The following TLR2 variants were observed in gnomAD, a reference collection of about 807,000 sequenced individuals.
TLR2 encodes toll-like receptor 2.
Under a neutral mutation model 9.1 loss-of-function variants are expected in TLR2, and 7 were observed. The ratio of observed to expected loss-of-function variants is 0.77; its 90% confidence interval spans 0.44 to 1.44. TLR2 has a LOEUF of 1.44. TLR2 is among the 40% of genes most tolerant of loss of function. TLR2 has a pLI of 0.01. For missense variants in TLR2, 812 were observed against 904.6 expected (o/e 0.90, Z 1.31); for synonymous variants, 317 against 344.6 (o/e 0.92, Z 0.89).
intron 1 of TLR2, among the ~76,000 whole-genome samples, chr4:153,687,238 T>G (rs2127009608): frequency 6.6e-6 from 1 of 151,768 alleles, no homozygotes; most frequent in East Asian, 1.9e-4. Flanking sequence ...TGACGAAAAA[T>G]GAATGAGCAA....
chr4:153,702,761 TTTGTGTGTGTGTGTGTGTGTG>T, intron 2 of TLR2, 110 bp from the exon 3 acceptor site: 134 of 540,184 alleles, frequency 2.5e-4, no homozygotes, highest in East Asian at 7.3e-4. Context: ...TCTCTCTCTC[TTTGTGTGTGTGTGTGTGTGTG>T]TGTGTGTGTG....
At chr4:153,689,642 A>G (rs1360103324) in intron 2 of TLR2, among the ~76,000 whole-genome samples, 1 of 152,258 alleles carries the variant, frequency 6.6e-6, no homozygotes, top group Non-Finnish European at 1.5e-5. Flanking sequence ...GAGATCAGAA[A>G]GCATGTGTAA....
intron 2 of TLR2, among the ~76,000 whole-genome samples, chr4:153,693,720 G>A (rs1343204577): frequency 6.6e-6 from 1 of 152,108 alleles, no homozygotes; most frequent in Non-Finnish European, 1.5e-5. Flanking sequence ...CTCATCTTTA[G>A]TGTGAAAAGG....
At position 153,703,654 on chromosome 4, in the gene TLR2, A is replaced by C; in HGVS notation, c.747A>C (p.Ser249=). The C allele has an allele frequency of 6.2e-7, 1 of 1,613,024 alleles. No individual in the cohort carries two copies. Among genetic ancestry groups the C allele is most frequent in the Non-Finnish European group, 8.5e-7 (1 of 1,179,690 alleles). The change falls in exon 3 of 3, where the codon TCA becomes TCC. Residue 249 remains serine (S), a synonymous_variant. Transcript: ENST00000642700. ...AACTATCCACTGGTGAAACAAATTC[A>C]TTGATTAAAAAGTTTACATTTAGAA... ...FSELSTGETN[S]LIKKFTFRNV...
chr4:153,695,036 G>GTA (rs1444182870), intron 2 of TLR2, among the ~76,000 whole-genome samples: 1 of 152,060 alleles, frequency 6.6e-6, no homozygotes, highest in East Asian at 1.9e-4. Flanking sequence ...GTACCCCATT[G>GTA]TATATATATA....
At chr4:153,699,067 T>C (rs889669584) in intron 2 of TLR2, among the ~76,000 whole-genome samples, 17 of 152,164 alleles carry the variant, frequency 1.1e-4, no homozygotes, top group African/African-American at 3.9e-4. Flanking sequence ...ATAACCCTAA[T>C]TCTCTAATTG....
Position 153,703,380 on chromosome 4 carries a change from A to C in TLR2, c.473A>C (p.Asn158Thr), listed in dbSNP as rs771244925. Residue 158 changes from asparagine to threonine, a missense_variant, in exon 3 of 3, where the codon AAT (asparagine) becomes ACT (threonine). Transcript: ENST00000642700. Reference sequence around the variant, plus strand: ...AAATTGCAAATCCTGAGAGTGGGAAATATGGACACCTTCACTAAGATTCAA... The same window carrying C: ...AAATTGCAAATCCTGAGAGTGGGAACTATGGACACCTTCACTAAGATTCAA... ...LTKLQILRVG[N>T]MDTFTKIQRK... The C allele has an allele frequency of 9.5e-5, 154 of 1,614,058 alleles. No individual in the cohort carries two copies. Among genetic ancestry groups the C allele is most frequent in the Non-Finnish European group, 1.2e-4 (139 of 1,180,036 alleles).
At position 153,703,624 on chromosome 4, in the gene TLR2, T is replaced by C; in HGVS notation, c.717T>C (p.Phe239=). The change falls in exon 3 of 3, where the codon TTT becomes TTC. Residue 239 remains phenylalanine (F), a synonymous_variant. Transcript: ENST00000642700. ...ATACTGATTTGGACACTTTCCATTT[T>C]TCAGAACTATCCACTGGTGAAACAA... ...LRDTDLDTFH[F]SELSTGETNS... 1 of 1,613,942 alleles carries C rather than the reference T, an allele frequency of 6.2e-7. No individual in the cohort carries two copies. Among genetic ancestry groups the C allele is most frequent in the South Asian group, 1.1e-5 (1 of 91,020 alleles).
chr4:153,702,670 T>A (rs1578999474), intron 2 of TLR2: 1 of 510,898 alleles, frequency 2.0e-6, no homozygotes, highest in Non-Finnish European at 3.5e-6. Context: ...AGTGGTTGTA[T>A]GTCTGTGTTA....
intron 2 of TLR2, among the ~76,000 whole-genome samples, chr4:153,695,302 CA>C (rs1285213810): frequency 2.0e-5 from 3 of 152,128 alleles, no homozygotes; most frequent in Admixed American, 2.0e-4. Flanking sequence ...CAACAGTGTA[CA>C]GGGTTCTGTT....
In TLR2 at chr4:153,704,159, A is replaced by C. The variant is rs761907544; in HGVS notation, c.1252A>C (p.Ile418Leu). 1.9e-6 allele frequency: 3 copies of C among 1,613,762 alleles called. No individual in the cohort carries two copies. Among genetic ancestry groups the C allele is most frequent in the Non-Finnish European group, 2.5e-6 (3 of 1,179,962 alleles). ...TLLTLKNLTNIDISKNSFHSM... is the reference protein window; with the variant it reads ...TLLTLKNLTNLDISKNSFHSM... ...GCTCACTCTGAAAAACTTGACTAAC[A>C]TTGATATCAGTAAGAATAGTTTTCA... The change falls in exon 3 of 3, where the codon ATT (isoleucine) becomes CTT (leucine). Residue 418 changes from isoleucine (I) to leucine (L), a missense_variant. By Grantham distance (5) the Ile-to-Leu change is conservative. Coordinates refer to ENST00000642700, the MANE Select transcript of TLR2 (RefSeq NM_001318789.2).
At chr4:153,696,817 C>T (rs1736534935) in intron 2 of TLR2, among the ~76,000 whole-genome samples, 1 of 151,582 alleles carries the variant, frequency 6.6e-6, no homozygotes, top group Admixed American at 6.6e-5. Context: ...TTGCTTAATG[C>T]CAGGAGTTTG....
chr4:153,703,965 G>T lies in TLR2; in HGVS notation c.1058G>T (p.Cys353Phe). 3.1e-6 allele frequency: 5 copies of T among 1,611,658 alleles called. No individual in the cohort carries two copies. Among genetic ancestry groups the T allele is most frequent in the Non-Finnish European group, 4.2e-6 (5 of 1,179,440 alleles). ...AACAGTAAAGTTTTTCTGGTTCCTT[G>T]TTTACTTTCACAACATTTAAAATCA... ...VENSKVFLVPCLLSQHLKSLE... is the reference protein window; with the variant it reads ...VENSKVFLVPFLLSQHLKSLE... Residue 353 changes from cysteine to phenylalanine, a missense_variant, in exon 3 of 3, where the codon TGT (cysteine) becomes TTT (phenylalanine). Transcript: ENST00000642700.
At chr4:153,684,898 C>G (rs1421463767) in intron 1 of TLR2, among the ~76,000 whole-genome samples, 2 of 152,206 alleles carry the variant, frequency 1.3e-5, no homozygotes, top group African/African-American at 4.8e-5. Context: ...GTCGCTCTCC[C>G]CGCCTCCTGG....
chr4:153,705,872 A>G lies in TLR2; in HGVS notation c.*610A>G, dbSNP rs1014278826. ...GCTTAGTTCATTAGGAAACAGCACA[A>G]ATGAACTTAAGATTCTCAATGACTG... On this transcript the variant is annotated 3_prime_UTR_variant, in exon 3 of 3. Coordinates refer to ENST00000642700, the MANE Select transcript of TLR2 (RefSeq NM_001318789.2). 1.3e-5 allele frequency among the ~76,000 whole-genome samples: 2 copies of G among 152,186 alleles called. No individual in the cohort carries two copies. The highest frequency in any genetic ancestry group is 1.5e-5 in the Non-Finnish European group (1 of 68,026).
Position 153,703,207 on chromosome 4 carries a change from C to T in TLR2, c.300C>T (p.Gly100=), listed in dbSNP as rs1365186909. ...AGGAAGATTCTTTTTCTTCCCTGGG[C>T]AGTCTTGAACATTTAGACTTATCCT... is the stretch of plus-strand genomic sequence containing the variant. The part of the protein sequence containing the change: ...TIEEDSFSSL[G]SLEHLDLSYN... Residue 100 remains glycine (G), a synonymous_variant, in exon 3 of 3, where the codon GGC becomes GGT. Coordinates refer to ENST00000642700, the MANE Select transcript of TLR2 (RefSeq NM_001318789.2). The T allele has an allele frequency of 1.9e-6, 3 of 1,614,060 alleles. No homozygotes were observed. The African/African-American group carries it at 4.0e-5, about 22-fold the overall frequency.
chr4:153,699,754 G>A (rs1294167410), intron 2 of TLR2, among the ~76,000 whole-genome samples: 1 of 152,192 alleles, frequency 6.6e-6, no homozygotes, highest in African/African-American at 2.4e-5. Flanking sequence ...ATTATGTCTT[G>A]AGGATGATTG....
At chr4:153,708,686 C>G (rs10034134), downstream of TLR2, among the ~76,000 whole-genome samples, 31,105 of 152,064 alleles carry the variant, frequency 0.2, 3,914 homozygotes, top group African/African-American at 0.35. Context: ...AGGTCCAGCA[C>G]AGAAGCCTTT....
chr4:153,704,650 G>T lies in TLR2; in HGVS notation c.1743G>T (p.Ser581=). ...RGQQVQDVRL[S]VSECHRTALV... The stretch of plus-strand genomic sequence containing the variant: ...AGCAGGTTCAGGATGTCCGCCTCTC[G>T]GTGTCGGAATGTCACAGGACAGCAC... Residue 581 remains serine (S), a synonymous_variant, in exon 3 of 3, where the codon TCG becomes TCT. Transcript: ENST00000642700. 6.2e-7 allele frequency: 1 copy of T among 1,613,322 alleles called. No homozygotes were observed. Among genetic ancestry groups the T allele is most frequent in the Non-Finnish European group, 8.5e-7 (1 of 1,179,970 alleles).
Sources: allele counts gnomAD v4.1 joint callset (sites outside exome capture counted in the v4.1 genomes callset), GRCh38; gene constraint gnomAD v4.1.1; transcripts MANE v1.5; gene names NCBI Gene and HGNC (gene_info 2026-07-23, HGNC 2026-07-21).